Variants in MRPL34 observed in about 807,000 individuals in gnomAD.
The protein encoded by MRPL34 is large ribosomal subunit protein bL34m.
Under a neutral mutation model 6.7 loss-of-function variants are expected in MRPL34, and 8 were observed. That is an observed-to-expected ratio of 1.20 (90% CI 0.70 to 2.16). The LOEUF (loss-of-function observed/expected upper bound fraction) is 2.16, where lower values mean the gene tolerates loss of function less well. Ranked by LOEUF, MRPL34 falls within the 30% of genes most tolerant of loss-of-function variation. The pLI, the probability that MRPL34 is intolerant of heterozygous loss-of-function variation, is 0.00. For missense variants in MRPL34, 146 were observed against 125.5 expected, an observed-to-expected ratio of 1.16 and a Z score of -0.78; for synonymous variants, 59 against 55.1, an observed-to-expected ratio of 1.07 and a Z score of -0.31.
intron 1 of MRPL34, 53 bp from the exon 2 acceptor site, chr19:17,306,113 A>G (rs2145666492): frequency 6.7e-6 from 10 of 1,493,816 alleles, no homozygotes; most frequent in Non-Finnish European, 9.0e-6. Flanking sequence ...GTTGAGCGCC[A>G]AGGTCACCCA....
upstream of MRPL34, chr19:17,301,391 C>T: frequency 6.2e-7 from 1 of 1,611,738 alleles, no homozygotes; most frequent in Non-Finnish European, 8.5e-7. Context: ...TGACAGCGGA[C>T]CAAGCCGGAG....
chr19:17,299,927 T>C (rs1023088042), upstream of MRPL34, among the ~76,000 whole-genome samples: 4 of 140,990 alleles, frequency 2.8e-5, no homozygotes, highest in Admixed American at 2.2e-4. Context: ...CATGACGGAG[T>C]CTCCTTCTGT....
Position 17,306,482 on chromosome 19 carries a change from G to T in MRPL34, c.*103G>T, listed in dbSNP as rs144555991. 711 of 1,038,850 alleles carry T rather than the reference G, an allele frequency of 6.8e-4. 3 individuals are homozygous for T. In the African/African-American group the frequency reaches 8.3e-3, roughly 12 times the overall value. The allele number at this position is 1,038,850 out of a possible 1,614,324, so 64.4% of individuals were successfully genotyped here. A position where few individuals can be genotyped will look rare whatever the true frequency, so the allele number is the denominator to read the frequency against. On this transcript the variant is annotated 3_prime_UTR_variant, in exon 2 of 2. Transcript: ENST00000252602. Reference sequence around the variant, plus strand: ...GGAGCTGGGGAGCAGGAACGCCTCGGACCTGAGTGCTCTCCATATTGTGGG... The same window carrying T: ...GGAGCTGGGGAGCAGGAACGCCTCGTACCTGAGTGCTCTCCATATTGTGGG...
rs553637387 is a variant in MRPL34 at position 17,306,027 on chromosome 19, C to A, written c.65+70C>A. 7 of 1,586,530 alleles carry A rather than the reference C, an allele frequency of 4.4e-6. No individual in the cohort carries two copies. The Admixed American group carries it at 1.0e-4, about 23-fold the overall frequency. ...GGCTTCGGAGGCTGGCGCCACTCTTCACTGCCCGCGTGACCTGCCAGTGCC... is the reference window on the plus strand; with the variant it reads ...GGCTTCGGAGGCTGGCGCCACTCTTAACTGCCCGCGTGACCTGCCAGTGCC... On this transcript the variant is annotated intron_variant, in intron 1 of 1. Coordinates refer to ENST00000252602, the MANE Select transcript of MRPL34 (RefSeq NM_023937.4).
upstream of MRPL34, among the ~76,000 whole-genome samples, chr19:17,299,727 A>T (rs57568455): frequency 9.4e-3 from 1,432 of 151,870 alleles, 19 homozygotes; most frequent in African/African-American, 0.031. Context: ...AAAAAATTTT[A>T]AAAATGTAAA....
chr19:17,304,715 C>T (rs963697191), upstream of MRPL34, among the ~76,000 whole-genome samples: 8 of 152,154 alleles, frequency 5.3e-5, no homozygotes, highest in Admixed American at 1.3e-4. Context: ...CTTGAGGAGC[C>T]CTTGAACTTG....
At chr19:17,303,962 G>GCC (rs371005346), upstream of MRPL34, among the ~76,000 whole-genome samples, 245 of 141,940 alleles carry the variant, frequency 1.7e-3, no homozygotes, top group African/African-American at 6.4e-3. Context: ...TCCCCCCTAC[G>GCC]CCCCCCCCTT....
At chr19:17,296,173 AAG>A (rs1277301714) in intron 1 of MRPL34, 1 of 152,000 alleles carries the variant, frequency 6.6e-6, no homozygotes, top group African/African-American at 2.4e-5. Flanking sequence ...ACTTATTTTG[AAG>A]AGAGAATCTG....
chr19:17,306,049 T>C (rs1350082753), intron 1 of MRPL34, 92 bp downstream of exon 1: 9 of 1,553,978 alleles, frequency 5.8e-6, no homozygotes, highest in East Asian at 2.3e-5. Flanking sequence ...GACCTGCCAG[T>C]GCCTTGCGCA....
At chr19:17,293,997 C>T (rs1207842123) in intron 1 of MRPL34, among the ~76,000 whole-genome samples, 2 of 152,146 alleles carry the variant, frequency 1.3e-5, no homozygotes, top group African/African-American at 4.8e-5. Context: ...TACAAATCCT[C>T]CGCTGTGAGG....
At chr19:17,305,736 T>G, upstream of MRPL34, 1 of 770,596 alleles carries the variant, frequency 1.3e-6, no homozygotes, top group Non-Finnish European at 2.2e-6. Flanking sequence ...GCGCCTCTGT[T>G]GCGCAGGCGC....
At chr19:17,305,786 T>C (rs746868902), upstream of MRPL34, 127 of 1,227,812 alleles carry the variant, frequency 1.0e-4, 1 homozygote, top group Non-Finnish European at 4.9e-5. Flanking sequence ...GGCCTCTTTT[T>C]TGCACGTTAG....
chr19:17,300,051 CCCA>C (rs1297968931), upstream of MRPL34, among the ~76,000 whole-genome samples: 1 of 151,526 alleles, frequency 6.6e-6, no homozygotes, highest in Admixed American at 6.6e-5. Context: ...ACTATAGGTG[CCCA>C]CCACCACACC....
chr19:17,305,880 A>T lies in MRPL34; in HGVS notation c.-13A>T. 6.2e-7 allele frequency: 1 copy of T among 1,613,840 alleles called. No individual in the cohort carries two copies. The highest frequency in any genetic ancestry group is 1.1e-5 in the South Asian group (1 of 91,078). On this transcript the variant is annotated 5_prime_UTR_variant, in exon 1 of 2. Transcript: ENST00000252602. The stretch of plus-strand genomic sequence containing the variant: ...AATCGCCCGCAGCCGGTACTGCGGG[A>T]CCCACTGCGGATATGGCTGTCTTGG...
upstream of MRPL34, chr19:17,298,322 G>C (rs2074102402): frequency 6.6e-6 from 1 of 152,148 alleles, no homozygotes; most frequent in African/African-American, 2.4e-5. Context: ...GAGAGAATGA[G>C]GCCACTTGGT....
intron 1 of MRPL34, chr19:17,296,075 C>T (rs1295911306): frequency 6.6e-6 from 1 of 152,216 alleles, no homozygotes; most frequent in Non-Finnish European, 1.5e-5. Flanking sequence ...AGATTCTTCC[C>T]CTGGGGTCCA....
At chr19:17,301,776 TTG>T (rs10679164), upstream of MRPL34, among the ~76,000 whole-genome samples, 51,472 of 147,208 alleles carry the variant, frequency 0.35, 9,230 homozygotes, top group South Asian at 0.43. Context: ...ATTTTTTTGT[TTG>T]TGTGTGTGTG....
upstream of MRPL34, chr19:17,300,999 C>T (rs1225926219): frequency 1.2e-6 from 2 of 1,613,382 alleles, no homozygotes; most frequent in African/African-American, 1.3e-5. Context: ...GGTCAGGAGC[C>T]ACCACCTCAT....
chr19:17,299,560 C>CAAAAAAAA (rs567760409), upstream of MRPL34, among the ~76,000 whole-genome samples: 1 of 51,506 alleles, frequency 1.9e-5, no homozygotes, highest in East Asian at 6.8e-4. Flanking sequence ...GACTCCATCT[C>CAAAAAAAA]AAAAAAAAAA....
Sources: allele counts gnomAD v4.1 joint callset (sites outside exome capture counted in the v4.1 genomes callset), GRCh38; gene constraint gnomAD v4.1.1; transcripts MANE v1.5; gene names NCBI Gene and HGNC (gene_info 2026-07-23, HGNC 2026-07-21).